The following SETD4 variants were observed in gnomAD, a reference collection of about 807,000 sequenced individuals.
SETD4 encodes SET domain containing 4, also known as SET domain-containing protein 4.
Under a neutral mutation model 58.3 loss-of-function variants are expected in SETD4, and 46 were observed. The observed-to-expected ratio is 0.79, with a 90% CI of 0.62 to 1.01. The LOEUF is 1.01. Among genes scored for constraint, SETD4 ranks in the 50% least tolerant of loss-of-function variants. The probability of loss-of-function intolerance (pLI) is 0.00; values close to 1 mark genes in which losing one functional copy is unlikely to be tolerated. For missense variants in SETD4, 490 were observed against 523.3 expected (o/e 0.94, Z 0.62); for synonymous variants, 190 against 202.6 (o/e 0.94, Z 0.53).
chr21:36,057,575 C>T lies in SETD4; in HGVS notation c.74-371G>A, dbSNP rs145604580. 1.3e-3 allele frequency: 611 copies of T among 457,638 alleles called. 1 individual carries two copies. The highest frequency in any genetic ancestry group is 0.011 in the African/African-American group (564 of 49,846). 28.3% of individuals were successfully genotyped at this position (457,638 alleles called of 1,614,324 possible). A position where few individuals can be genotyped will look rare whatever the true frequency, so the allele number is the denominator to read the frequency against. ...TACTTATGCAACATACGACTATATTCATTCAATGTAATCCTAATCAAAATT... is the reference window on the plus strand; with the variant it reads ...TACTTATGCAACATACGACTATATTTATTCAATGTAATCCTAATCAAAATT... On this transcript the variant is annotated intron_variant, in intron 2 of 11. Transcript: ENST00000332131.
intron 4 of SETD4, among the ~76,000 whole-genome samples, chr21:36,051,791 C>T (rs2064707290): frequency 6.6e-6 from 1 of 152,060 alleles, no homozygotes; most frequent in African/African-American, 2.4e-5. Context: ...GTGAGGAAAA[C>T]ATCTGCTTAA....
chr21:36,052,066 C>T (rs1462166057), intron 4 of SETD4, among the ~76,000 whole-genome samples: 3 of 147,700 alleles, frequency 2.0e-5, no homozygotes, highest in Non-Finnish European at 4.5e-5. Flanking sequence ...ATTAACACGG[C>T]GTAATAGAAT....
chr21:36,040,483 A>T, intron 9 of SETD4, 92 bp downstream of exon 9: 2 of 1,021,330 alleles, frequency 2.0e-6, no homozygotes, highest in Non-Finnish European at 3.1e-6. Context: ...CTGGCTGGGT[A>T]TCTGAATGCA....
chr21:36,052,462 G>A (rs550161820), intron 4 of SETD4, among the ~76,000 whole-genome samples: 2 of 150,442 alleles, frequency 1.3e-5, no homozygotes, highest in African/African-American at 4.9e-5. Context: ...GGAGGCTGAG[G>A]CAAAAGAATT....
At chr21:36,058,773 AGG>A (rs775527772) in intron 2 of SETD4, 41 bp downstream of exon 2, 6 of 1,552,460 alleles carry the variant, frequency 3.9e-6, no homozygotes, top group Non-Finnish European at 5.2e-6. Context: ...CAATCACAAA[AGG>A]ATTTCTTTTT....
At chr21:36,052,137 T>A (rs1165888213) in intron 4 of SETD4, among the ~76,000 whole-genome samples, 1 of 152,216 alleles carries the variant, frequency 6.6e-6, no homozygotes, top group Non-Finnish European at 1.5e-5. Flanking sequence ...GATTTTCACC[T>A]GTTTAGGAAA....
At chr21:36,038,394 C>A in intron 9 of SETD4, 121 bp from the exon 10 acceptor site, 1 of 1,242,816 alleles carries the variant, frequency 8.0e-7, no homozygotes, top group Non-Finnish European at 1.1e-6. Context: ...CAACTCATTC[C>A]ATAAGCAGAT....
At position 36,043,976 on chromosome 21, in the gene SETD4, A is replaced by C. The variant is rs1463480797; in HGVS notation, c.727-20T>G. Reference sequence around the variant, plus strand: ...TTTTACCTAGAAAGAAAAACTGTTAAGGTATTTTTTAAAGTAAGGTGTAAA... The same window carrying C: ...TTTTACCTAGAAAGAAAAACTGTTACGGTATTTTTTAAAGTAAGGTGTAAA... On this transcript the variant is annotated intron_variant, in intron 6 of 11. Transcript: ENST00000332131. The C allele has an allele frequency of 1.9e-6, 3 of 1,611,408 alleles. No individual in the cohort carries two copies. Among genetic ancestry groups the C allele is most frequent in the Non-Finnish European group, 2.5e-6 (3 of 1,178,494 alleles).
chr21:36,050,982 C>T, intron 4 of SETD4: 1 of 1,606,006 alleles, frequency 6.2e-7, no homozygotes, highest in Admixed American at 1.7e-5. Context: ...GTCTAATATC[C>T]TGGGGATGGA....
intron 6 of SETD4, among the ~76,000 whole-genome samples, chr21:36,044,789 G>C (rs979595493): frequency 2.6e-5 from 4 of 152,174 alleles, no homozygotes; most frequent in African/African-American, 9.7e-5. Flanking sequence ...TGGAATGTCA[G>C]ATGAAGGCGA....
intron 7 of SETD4, chr21:36,042,455 G>A (rs368828172): frequency 2.2e-4 from 34 of 151,948 alleles, no homozygotes; most frequent in African/African-American, 6.1e-4. Flanking sequence ...AATACTTCGC[G>A]GACATCAATA....
At chr21:36,057,947 G>C (rs2835263) in intron 2 of SETD4, among the ~76,000 whole-genome samples, 1 of 152,010 alleles carries the variant, frequency 6.6e-6, no homozygotes, top group Non-Finnish European at 1.5e-5. Flanking sequence ...GATTTACATA[G>C]GACTTTCCAG....
At chr21:36,048,227 G>C (rs1330785984) in intron 5 of SETD4, 81 bp downstream of exon 5, 13 of 1,084,898 alleles carry the variant, frequency 1.2e-5, no homozygotes, top group Admixed American at 3.4e-5. Context: ...CTAATGAATT[G>C]TGTCTCAAGT....
At chr21:36,050,254 T>A in intron 4 of SETD4, 2 of 1,514,026 alleles carry the variant, frequency 1.3e-6, no homozygotes, top group African/African-American at 2.7e-5. Context: ...TGGTTTTTGA[T>A]AGATTGTCCC....
chr21:36,045,558 G>C (rs141006421), intron 6 of SETD4, 24 bp downstream of exon 6: 1 of 1,605,716 alleles, frequency 6.2e-7, no homozygotes, highest in East Asian at 2.2e-5. Flanking sequence ...AAATAGAATA[G>C]CTGCTCCCTT....
At chr21:36,041,784 A>C in intron 8 of SETD4, 23 bp downstream of exon 8, 1 of 1,430,508 alleles carries the variant, frequency 7.0e-7, no homozygotes. Context: ...GAATAATTTT[A>C]AGAGGGAAAG....
intron 7 of SETD4, chr21:36,042,742 T>C (rs1042092327): frequency 6.6e-6 from 1 of 152,234 alleles, no homozygotes; most frequent in Non-Finnish European, 1.5e-5. Flanking sequence ...CAGTCTTCTA[T>C]GTACTTTTTT....
chr21:36,054,011 C>A (rs1286486261), intron 3 of SETD4, among the ~76,000 whole-genome samples: 2 of 152,218 alleles, frequency 1.3e-5, no homozygotes, highest in East Asian at 1.9e-4. Flanking sequence ...ATCCCCATTA[C>A]CAGACTCAGC....
chr21:36,043,731 T>G (rs1343579514), intron 7 of SETD4, 51 bp downstream of exon 7: 20 of 1,600,114 alleles, frequency 1.2e-5, no homozygotes, highest in Non-Finnish European at 1.7e-5. Flanking sequence ...CATCTCCAAA[T>G]GGGGAAAAAA....
Sources: allele counts gnomAD v4.1 joint callset (sites outside exome capture counted in the v4.1 genomes callset), GRCh38; gene constraint gnomAD v4.1.1; transcripts MANE v1.5; gene names NCBI Gene and HGNC (gene_info 2026-07-23, HGNC 2026-07-21).